ENTREP2: variants seen among roughly 807,000 people sequenced by gnomAD.
The protein encoded by ENTREP2 is endosomal transmembrane epsin interactor 2.
chr15:29,492,297 G>A, the ENTREP2 span, among the ~76,000 whole-genome samples: 1 of 152,204 alleles, frequency 6.6e-6, no homozygotes, highest in Admixed American at 6.5e-5. Context: ...ATCAGCTCAT[G>A]TTAGGAATGC....
the ENTREP2 span, among the ~76,000 whole-genome samples, chr15:29,539,797 C>T: frequency 6.6e-6 from 1 of 152,164 alleles, no homozygotes; most frequent in Non-Finnish European, 1.5e-5. Context: ...AAGAACAGTG[C>T]CCCACATCCT....
At chr15:29,657,115 T>G in the ENTREP2 span, among the ~76,000 whole-genome samples, 1 of 152,176 alleles carries the variant, frequency 6.6e-6, no homozygotes, top group Non-Finnish European at 1.5e-5. Flanking sequence ...TGGCGCGGTC[T>G]TGGCTCACTG....
the ENTREP2 span, among the ~76,000 whole-genome samples, chr15:29,451,999 T>C: frequency 1.3e-5 from 2 of 152,238 alleles, no homozygotes; most frequent in Non-Finnish European, 1.5e-5. Context: ...ACCTTTTTCC[T>C]GAAAAAAATG....
At chr15:29,220,323 T>C in the ENTREP2 span, among the ~76,000 whole-genome samples, 2 of 152,272 alleles carry the variant, frequency 1.3e-5, no homozygotes. Flanking sequence ...AGGTCTGTTA[T>C]GATTCTGTCC....
chr15:29,294,774 A>C, the ENTREP2 span, among the ~76,000 whole-genome samples: 1 of 152,200 alleles, frequency 6.6e-6, no homozygotes, highest in African/African-American at 2.4e-5. Flanking sequence ...AAGGAGATTG[A>C]ATGTGTCTTA....
chr15:29,127,388 G>A, the ENTREP2 span, among the ~76,000 whole-genome samples: 1 of 152,154 alleles, frequency 6.6e-6, no homozygotes, highest in Non-Finnish European at 1.5e-5. Flanking sequence ...GACTCCTCCA[G>A]GCGTGGGGGC....
chr15:29,616,437 T>C, the ENTREP2 span, among the ~76,000 whole-genome samples: 1 of 152,120 alleles, frequency 6.6e-6, no homozygotes, highest in Non-Finnish European at 1.5e-5. Context: ...TTTTTTCCAA[T>C]TCCCCTGCTC....
At chr15:29,674,262 GT>G in the ENTREP2 span, among the ~76,000 whole-genome samples, 52 of 151,658 alleles carry the variant, frequency 3.4e-4, 1 homozygote, top group African/African-American at 1.2e-3. Context: ...GGGCAGAGTT[GT>G]TTTTTTTGTT....
the ENTREP2 span, among the ~76,000 whole-genome samples, chr15:29,435,637 C>A: frequency 2.0e-5 from 3 of 151,738 alleles, no homozygotes; most frequent in Admixed American, 1.3e-4. Flanking sequence ...CCCTTGGATT[C>A]TTTCAAGAGA....
chr15:29,488,965 G>T, the ENTREP2 span, among the ~76,000 whole-genome samples: 1 of 152,158 alleles, frequency 6.6e-6, no homozygotes, highest in Non-Finnish European at 1.5e-5. Flanking sequence ...GCTAGGAGAG[G>T]GGAAATAGGG....
At chr15:29,618,103 T>C in the ENTREP2 span, among the ~76,000 whole-genome samples, 224 of 152,290 alleles carry the variant, frequency 1.5e-3, no homozygotes, top group South Asian at 0.018. Flanking sequence ...TCTGTAGCCA[T>C]GTCTATAGTG....
the ENTREP2 span, among the ~76,000 whole-genome samples, chr15:29,237,151 G>GC: frequency 6.6e-6 from 1 of 152,104 alleles, no homozygotes; most frequent in Non-Finnish European, 1.5e-5. Flanking sequence ...CAAGGAAGAA[G>GC]CTTTTGACAA....
At chr15:29,351,118 G>A in the ENTREP2 span, among the ~76,000 whole-genome samples, 4 of 152,252 alleles carry the variant, frequency 2.6e-5, no homozygotes, top group Non-Finnish European at 1.5e-5. Context: ...GAGTGCACTC[G>A]CACTAACCTA....
chr15:29,252,691 C>T, the ENTREP2 span, among the ~76,000 whole-genome samples: 11 of 152,062 alleles, frequency 7.2e-5, no homozygotes, highest in African/African-American at 2.7e-4. Flanking sequence ...CTGTAGGAAG[C>T]CATAGCAAGC....
At chr15:29,535,532 T>A in the ENTREP2 span, among the ~76,000 whole-genome samples, 37 of 151,652 alleles carry the variant, frequency 2.4e-4, no homozygotes, top group Middle Eastern at 3.4e-3. Context: ...GAAAAAAAAA[T>A]TTTTTTAATT....
the ENTREP2 span, among the ~76,000 whole-genome samples, chr15:29,553,666 G>C: frequency 2.0e-5 from 3 of 152,126 alleles, no homozygotes; most frequent in African/African-American, 7.2e-5. Flanking sequence ...AGTGTTCTTG[G>C]GATACTAGCT....
At chr15:29,413,003 T>C in the ENTREP2 span, among the ~76,000 whole-genome samples, 1 of 152,086 alleles carries the variant, frequency 6.6e-6, no homozygotes, top group Non-Finnish European at 1.5e-5. Flanking sequence ...GGCTATTCAT[T>C]TGCATTACAA....
At chr15:29,478,527 G>A in the ENTREP2 span, among the ~76,000 whole-genome samples, 3 of 152,100 alleles carry the variant, frequency 2.0e-5, no homozygotes, top group Admixed American at 1.3e-4. Flanking sequence ...GGGGCCTGGT[G>A]GGAGGAGTTT....
chr15:29,490,170 T>C, the ENTREP2 span, among the ~76,000 whole-genome samples: 1 of 152,202 alleles, frequency 6.6e-6, no homozygotes, highest in South Asian at 2.1e-4. Context: ...TTTACACTTC[T>C]TAAAGGCCGG....
Sources: allele counts gnomAD v4.1 joint callset (sites outside exome capture counted in the v4.1 genomes callset), GRCh38; gene constraint gnomAD v4.1.1; transcripts MANE v1.5; gene names NCBI Gene and HGNC (gene_info 2026-07-23, HGNC 2026-07-21).